Variants in MGAT5B observed in about 807,000 individuals in gnomAD.
The protein encoded by MGAT5B is N-acetylglucosaminyl-transferase Vb.
MGAT5B carries 54 observed loss-of-function variants against 95.1 expected under a neutral mutation model. The observed-to-expected ratio is 0.57, with a 90% CI of 0.46 to 0.71. The LOEUF is 0.71. MGAT5B is among the 30% of genes least tolerant of loss of function. MGAT5B has a pLI of 0.00. For missense variants in MGAT5B, 935 were observed against 1,088.6 expected (o/e 0.86, Z 1.99); for synonymous variants, 464 against 451.0 (o/e 1.03, Z -0.36).
intron 3 of MGAT5B, among the ~76,000 whole-genome samples, chr17:76,897,551 T>A (rs756543207): frequency 3.3e-5 from 5 of 152,162 alleles, no homozygotes; most frequent in Non-Finnish European, 5.9e-5. Flanking sequence ...GGTGTCTGCA[T>A]GTGGCCTTCT....
In MGAT5B at chr17:76,905,256, A is replaced by G; in HGVS notation, c.778A>G (p.Arg260Gly). ...SLIFMKKRTKRLTAQWALAAQ... is the reference protein window; with the variant it reads ...SLIFMKKRTKGLTAQWALAAQ... The stretch of plus-strand genomic sequence containing the variant: ...GATCTTCATGAAGAAGCGGACCAAG[A>G]GGCTCACAGCCCAGTGGGCGCTGGC... Residue 260 changes from arginine (R) to glycine (G), a missense_variant, in exon 7 of 18, where the codon AGG (arginine) becomes GGG (glycine). Coordinates refer to ENST00000569840, the MANE Select transcript of MGAT5B (RefSeq NM_001199172.2). This position sits in a 1 kb window ranked among gnomAD's most constrained non-coding sequence, Gnocchi z 4.2. 1 of 1,612,918 alleles carries G rather than the reference A, an allele frequency of 6.2e-7. No homozygotes were observed. Among genetic ancestry groups the G allele is most frequent in the Non-Finnish European group, 8.5e-7 (1 of 1,179,432 alleles).
At chr17:76,895,443 G>A (rs191675578) in intron 3 of MGAT5B, among the ~76,000 whole-genome samples, 102 of 152,166 alleles carry the variant, frequency 6.7e-4, no homozygotes, top group Non-Finnish European at 9.6e-4. Context: ...ACCAGTCCTG[G>A]GTGCTAAAAA....
intron 3 of MGAT5B, among the ~76,000 whole-genome samples, chr17:76,888,111 AG>A (rs1298846945): frequency 4.6e-5 from 7 of 152,176 alleles, no homozygotes; most frequent in Non-Finnish European, 8.8e-5. Context: ...TCCTTTTAAC[AG>A]GGGGAGTGCA....
chr17:76,898,206 C>T (rs1354597953), intron 3 of MGAT5B, among the ~76,000 whole-genome samples: 2 of 152,194 alleles, frequency 1.3e-5, no homozygotes, highest in Non-Finnish European at 2.9e-5. Context: ...ACAAGATTTC[C>T]TGTGTTCCGT....
chr17:76,945,270 T>A (rs951498558), intron 15 of MGAT5B, among the ~76,000 whole-genome samples: 1 of 152,224 alleles, frequency 6.6e-6, no homozygotes, highest in East Asian at 1.9e-4. Context: ...GACAGGTTGC[T>A]GTGTGACTAT....
chr17:76,885,796 A>G (rs548536681), intron 3 of MGAT5B, among the ~76,000 whole-genome samples: 33 of 152,242 alleles, frequency 2.2e-4, no homozygotes, highest in African/African-American at 7.2e-4. Context: ...CCCGTGCACA[A>G]ACACTGCTGC....
intron 12 of MGAT5B, among the ~76,000 whole-genome samples, chr17:76,936,675 C>A (rs1969683316): frequency 6.6e-6 from 1 of 152,102 alleles, no homozygotes; most frequent in Non-Finnish European, 1.5e-5. Flanking sequence ...TATCATGTTT[C>A]ATGACCATTT....
chr17:76,910,831 G>A (rs958777266), intron 8 of MGAT5B, among the ~76,000 whole-genome samples: 12 of 152,246 alleles, frequency 7.9e-5, no homozygotes, highest in African/African-American at 2.4e-4. Context: ...TGGGGTGTAT[G>A]TGTGAATGAA....
rs112946222 is a variant in MGAT5B at position 76,873,352 on chromosome 17, T to C, written c.181+389T>C. ...GGCCATGTGGGAACGGGCCTGGCCA[T>C]GGGCTTAAATGTCTTATCTCTGAGC... On this transcript the variant is annotated intron_variant, in intron 2 of 17. Transcript: ENST00000569840. Among the ~76,000 whole-genome samples, 1,243 of 152,356 alleles carry C rather than the reference T, an allele frequency of 8.2e-3. 18 individuals carry two copies. Among genetic ancestry groups the C allele is most frequent in the African/African-American group, 0.028 (1,172 of 41,582 alleles).
At chr17:76,893,804 G>C (rs1967969016) in intron 3 of MGAT5B, among the ~76,000 whole-genome samples, 1 of 152,188 alleles carries the variant, frequency 6.6e-6, no homozygotes, top group South Asian at 2.1e-4. Context: ...CATCCCCCAG[G>C]ATGTCACTTT....
chr17:76,897,842 G>T (rs373081260), intron 3 of MGAT5B, among the ~76,000 whole-genome samples: 2 of 150,484 alleles, frequency 1.3e-5, no homozygotes, highest in East Asian at 3.9e-4. Context: ...GATCACGTGA[G>T]GTCAGGAGTT....
At chr17:76,904,167 G>A (rs628830) in intron 5 of MGAT5B, 85 bp from the exon 6 acceptor site, 132,618 of 1,381,688 alleles carry the variant, frequency 0.096, 7,871 homozygotes, top group Admixed American at 0.25. Flanking sequence ...TTGACCTCAG[G>A]ACCCCTGGGG....
At position 76,917,577 on chromosome 17, in the gene MGAT5B, G is replaced by T. The variant is rs191845705; in HGVS notation, c.1026-7389G>T. ...CTGCTTTTTCCTCGGCATCTCTAGC[G>T]TGGAGCCAGCGGCCCTCAATATCCG... On this transcript the variant is annotated intron_variant, in intron 8 of 17. Coordinates refer to ENST00000569840, the MANE Select transcript of MGAT5B (RefSeq NM_001199172.2). The surrounding 1 kb of genome is among the most constrained non-coding windows in gnomAD (Gnocchi z 6.1). Among the ~76,000 whole-genome samples, 9 of 152,258 alleles carry T rather than the reference G, an allele frequency of 5.9e-5. No individual in the cohort carries two copies. The highest frequency in any genetic ancestry group is 1.2e-4 in the Non-Finnish European group (8 of 68,026).
At position 76,869,971 on chromosome 17, in the gene MGAT5B, G is replaced by A. The variant is rs1598878409; in HGVS notation, c.68+874G>A. 6.6e-6 allele frequency among the ~76,000 whole-genome samples: 1 copy of A among 152,174 alleles called. No homozygotes were observed. The highest frequency in any genetic ancestry group is 1.9e-4 in the East Asian group (1 of 5,180). On this transcript the variant is annotated intron_variant, in intron 1 of 17. Transcript: ENST00000569840. The surrounding 1 kb of genome is among the most constrained non-coding windows in gnomAD (Gnocchi z 7.0). ...GGGGAGGGGGCGCTGCCCAGTGGAC[G>A]CCCGGCGGGGCCCGAGTGTCACCCC...
rs9894270 is a variant in MGAT5B, at chr17:76,948,627, T to C, written c.2181-13T>C. ...ACCAACGCTGAGTGACGGTGCTGTGTGGTCCCTGCCAGGCTGCAGGTGCCC... is the reference window on the plus strand; with the variant it reads ...ACCAACGCTGAGTGACGGTGCTGTGCGGTCCCTGCCAGGCTGCAGGTGCCC... On this transcript the variant is annotated splice_polypyrimidine_tract_variant and intron_variant, in intron 17 of 17. Coordinates refer to ENST00000569840, the MANE Select transcript of MGAT5B (RefSeq NM_001199172.2). 1,529,177 of 1,605,298 alleles carry C rather than the reference T, an allele frequency of 0.95. 728,818 individuals carry two copies. Among genetic ancestry groups the C allele is most frequent in the Non-Finnish European group, 0.96 (1,129,800 of 1,176,624 alleles).
chr17:76,946,598 T>C, intron 16 of MGAT5B, 148 bp downstream of exon 16: 1 of 679,834 alleles, frequency 1.5e-6, no homozygotes, highest in Admixed American at 3.9e-5. Flanking sequence ...CTTCCCAGAG[T>C]TCCCTCAGGG....
chr17:76,903,759 T>C (rs1353486470), intron 5 of MGAT5B, among the ~76,000 whole-genome samples: 2 of 152,204 alleles, frequency 1.3e-5, no homozygotes, highest in Non-Finnish European at 2.9e-5. Context: ...TCCACAGCCG[T>C]GAAGTCAGCT....
chr17:76,893,603 G>T (rs977428458), intron 3 of MGAT5B, among the ~76,000 whole-genome samples: 41 of 152,268 alleles, frequency 2.7e-4, no homozygotes, highest in Admixed American at 2.5e-3. Context: ...GGTGGTGGGA[G>T]TGAGGCCCAG....
rs1970030387 is a variant in MGAT5B, at chr17:76,946,373, C to T, written c.1849-3C>T. On this transcript the variant is annotated splice_region_variant and splice_polypyrimidine_tract_variant and intron_variant, in intron 15 of 17. Coordinates refer to ENST00000569840, the MANE Select transcript of MGAT5B (RefSeq NM_001199172.2). ...CCCATGTGTCTGCCCATCCCTCCCA[C>T]AGGTAGACCCCTACCTACCCTACGA... is the stretch of plus-strand genomic sequence containing the variant. 1.9e-6 allele frequency: 3 copies of T among 1,605,254 alleles called. No individual in the cohort carries two copies. The South Asian group carries it at 3.3e-5, about 18-fold the overall frequency.
Sources: allele counts gnomAD v4.1 joint callset (sites outside exome capture counted in the v4.1 genomes callset), GRCh38; gene constraint gnomAD v4.1.1; non-coding constraint Gnocchi (gnomAD v3.1); transcripts MANE v1.5; gene names NCBI Gene and HGNC (gene_info 2026-07-23, HGNC 2026-07-21).